The following EIF2D variants were observed in gnomAD, a reference collection of about 807,000 sequenced individuals.
EIF2D encodes the protein hepatocellular carcinoma-associated antigen 56.
Under a neutral mutation model 77.4 loss-of-function variants are expected in EIF2D, and 56 were observed. The observed-to-expected ratio is 0.72, with a 90% confidence interval of 0.58 to 0.90. The LOEUF (loss-of-function observed/expected upper bound fraction) is 0.90, where lower values mean the gene tolerates loss of function less well. EIF2D is among the 40% of genes least tolerant of loss of function. The pLI, the probability that EIF2D is intolerant of heterozygous loss-of-function variation, is 0.00. For missense variants in EIF2D, 574 were observed against 706.5 expected, an observed-to-expected ratio of 0.81 and a Z score of 2.13; for synonymous variants, 230 against 271.0, an observed-to-expected ratio of 0.85 and a Z score of 1.49.
chr1:206,578,794 G>A (rs17434501), intron 4 of EIF2D, among the ~76,000 whole-genome samples: 5,109 of 152,172 alleles, frequency 0.034, 112 homozygotes, highest in Admixed American at 0.05. Context: ...GAAGCCACGT[G>A]ACTCACTCAG....
rs781933639 is a variant in EIF2D, at chr1:206,602,349, T to C, written c.889A>G (p.Met297Val). 87 of 1,614,022 alleles carry C rather than the reference T, an allele frequency of 5.4e-5. No individual in the cohort carries two copies. Among genetic ancestry groups the C allele is most frequent in the Non-Finnish European group, 6.3e-5 (74 of 1,179,986 alleles). ...LLTSTFLGSH[M>V]FSCCPEGRQL... Reference sequence around the variant, plus strand: ...TGCTTTCCATACCAGCAGGAGAACATGTGGCTGCCAAGGAAAGTGCTGGTG... The same window carrying C: ...TGCTTTCCATACCAGCAGGAGAACACGTGGCTGCCAAGGAAAGTGCTGGTG... Residue 297 changes from methionine (M) to valine (V), a missense_variant, in exon 7 of 15, where the codon ATG (methionine) becomes GTG (valine). Met to Val is a conservative substitution (Grantham distance 21). Coordinates refer to ENST00000271764, the MANE Select transcript of EIF2D (RefSeq NM_006893.3).
intron 2 of EIF2D, among the ~76,000 whole-genome samples, chr1:206,581,502 G>A (rs1668873107): frequency 6.6e-6 from 1 of 152,146 alleles, no homozygotes; most frequent in Admixed American, 6.5e-5. Flanking sequence ...GGGAGGCTGA[G>A]GCAGGAGAAT....
chr1:206,593,508 AGTGT>A (rs782562616), intron 14 of EIF2D, 107 bp downstream of exon 14: 1,805 of 398,448 alleles, frequency 4.5e-3, no homozygotes, highest in Non-Finnish European at 5.3e-3. Context: ...AGAGAGAGAG[AGTGT>A]GTGTGTGTGT....
intron 7 of EIF2D, chr1:206,601,874 G>T: frequency 6.2e-6 from 1 of 162,102 alleles, no homozygotes; most frequent in Non-Finnish European, 1.4e-5. Flanking sequence ...GGTGGGCCGG[G>T]ACGGGGGGTG....
In EIF2D at chr1:206,584,918, C is replaced by T. The variant is rs1002844529; in HGVS notation, c.139-3756G>A. The T allele has an allele frequency of 5.4e-5, 33 of 610,094 alleles. No individual in the cohort carries two copies. Among genetic ancestry groups the T allele is most frequent in the Middle Eastern group, 4.4e-4 (1 of 2,288 alleles). The allele number at this position is 610,094 out of a possible 1,614,324, so 37.8% of individuals were successfully genotyped here. ...ACACCCTAGGCTCCCATTTCCTGATCTGTGCAATGGGAGGAATCTGCCCCA... is the reference window on the plus strand; with the variant it reads ...ACACCCTAGGCTCCCATTTCCTGATTTGTGCAATGGGAGGAATCTGCCCCA... On this transcript the variant is annotated intron_variant and NMD_transcript_variant, in intron 2 of 5. Transcript: ENST00000472709. The surrounding 1 kb of genome is among the most constrained non-coding windows in gnomAD (Gnocchi z 4.9).
rs1553409478 is a variant in EIF2D at position 206,593,684 on chromosome 1, G to GC, written c.1618dup (p.Ala540GlyfsTer23). 6.2e-7 allele frequency: 1 copy of GC among 1,613,966 alleles called. No homozygotes were observed. The highest frequency in any genetic ancestry group is 8.5e-7 in the Non-Finnish European group (1 of 1,179,944). On this transcript the variant is annotated frameshift_variant, in exon 14 of 15. Coordinates refer to ENST00000271764, the MANE Select transcript of EIF2D (RefSeq NM_006893.3). LOFTEE classifies it high-confidence loss of function. ...GATCTGCACCTGAAGGCTGTCCTTG[G>GC]CCCCAGGGGCAGGATTGACGGTGGT...
At chr1:206,610,327 C>G (rs1167532290) in intron 2 of EIF2D, among the ~76,000 whole-genome samples, 1 of 152,072 alleles carries the variant, frequency 6.6e-6, no homozygotes, top group South Asian at 2.1e-4. Flanking sequence ...AAGACCAGCC[C>G]GAGCAACATA....
chr1:206,584,777 G>A lies in EIF2D; in HGVS notation c.139-3615C>T. ...CTCCTGCCGGCCTTGGGTGGGAGCT[G>A]TGGGCTTCTCCTGAGCACCAGGGGT... On this transcript the variant is annotated intron_variant and NMD_transcript_variant, in intron 2 of 5. Coordinates refer to the EIF2D transcript ENST00000472709. The surrounding 1 kb of genome is among the most constrained non-coding windows in gnomAD (Gnocchi z 4.9). 1.4e-6 allele frequency: 2 copies of A among 1,383,926 alleles called. No individual in the cohort carries two copies. The highest frequency in any genetic ancestry group is 2.0e-6 in the Non-Finnish European group (2 of 1,000,232). The allele number at this position is 1,383,926 out of a possible 1,614,324, so 85.7% of individuals were successfully genotyped here.
At position 206,579,148 on chromosome 1, in the gene EIF2D, A is replaced by AACCTGTTTTTCACCAGTG. The variant is rs1668771263; in HGVS notation, c.*254+1526_*254+1543dup. ...CCACCGCATAGGACATGTGAGCACA[A>AACCTGTTTTTCACCAGTG]ACCTGTTTTTCACCAGTGCCCTGGA... On this transcript the variant is annotated intron_variant and NMD_transcript_variant, in intron 4 of 5. Transcript: ENST00000472709. This position sits in a 1 kb window ranked among gnomAD's most constrained non-coding sequence, Gnocchi z 4.2. 8.5e-5 allele frequency among the ~76,000 whole-genome samples: 13 copies of AACCTGTTTTTCACCAGTG among 152,258 alleles called. 1 individual carries two copies. In the South Asian group the frequency reaches 2.7e-3, roughly 32 times the overall value.
intron 4 of EIF2D, among the ~76,000 whole-genome samples, chr1:206,574,774 T>A (rs1012074172): frequency 1.3e-5 from 2 of 151,366 alleles, no homozygotes; most frequent in Admixed American, 6.6e-5. Flanking sequence ...TTCGAAGACC[T>A]GGGAGGGGGC....
chr1:206,577,220 T>C (rs1668689120), intron 4 of EIF2D, among the ~76,000 whole-genome samples: 1 of 152,100 alleles, frequency 6.6e-6, no homozygotes, highest in Admixed American at 6.6e-5. Flanking sequence ...AAACCTAACA[T>C]TTACTGTCTG....
At chr1:206,578,202 G>C (rs73080965) in intron 4 of EIF2D, among the ~76,000 whole-genome samples, 3,520 of 146,144 alleles carry the variant, frequency 0.024, 119 homozygotes, top group African/African-American at 0.08. Flanking sequence ...CTCTCGACTG[G>C]GTGACAGAGG....
rs897077400 is a variant in EIF2D, at chr1:206,600,194, A to G, written c.948+69T>C. On this transcript the variant is annotated intron_variant, in intron 8 of 14. Coordinates refer to ENST00000271764, the MANE Select transcript of EIF2D (RefSeq NM_006893.3). ...GGTAGACAAGGCTTCCCCAGCATCCATCTGGCTTATGTCATATGTGCCCCT... is the reference window on the plus strand; with the variant it reads ...GGTAGACAAGGCTTCCCCAGCATCCGTCTGGCTTATGTCATATGTGCCCCT... 4 of 1,480,378 alleles carry G rather than the reference A, an allele frequency of 2.7e-6. No homozygotes were observed. The Admixed American group carries it at 5.4e-5, about 20-fold the overall frequency. The allele number at this position is 1,480,378 out of a possible 1,614,324, so 91.7% of individuals were successfully genotyped here.
intron 5 of EIF2D, among the ~76,000 whole-genome samples, chr1:206,571,750 G>A (rs972424799): frequency 1.3e-4 from 20 of 152,194 alleles, no homozygotes; most frequent in African/African-American, 4.6e-4. Flanking sequence ...CAGGCAGAAT[G>A]GTCAGATGAA....
Position 206,598,999 on chromosome 1 carries a change from T to C in EIF2D, c.1292+4A>G. ...GACAGATCTGGTGCTTCTCATGCAC[T>C]CACTTTTTGTTGTCTGCATCAACCA... On this transcript the variant is annotated splice_donor_region_variant and intron_variant, in intron 11 of 14. Transcript: ENST00000271764. 6.2e-7 allele frequency: 1 copy of C among 1,614,036 alleles called. No homozygotes were observed. The highest frequency in any genetic ancestry group is 8.5e-7 in the Non-Finnish European group (1 of 1,179,896).
At chr1:206,572,862 T>G (rs1668497109) in intron 4 of EIF2D, among the ~76,000 whole-genome samples, 1 of 152,196 alleles carries the variant, frequency 6.6e-6, no homozygotes, top group Non-Finnish European at 1.5e-5. Flanking sequence ...ACAAAAGTTC[T>G]TAGGACCCAT....
intron 4 of EIF2D, among the ~76,000 whole-genome samples, chr1:206,573,903 G>A (rs1454818829): frequency 6.6e-6 from 1 of 152,256 alleles, no homozygotes; most frequent in Non-Finnish European, 1.5e-5. Flanking sequence ...GTTCACAGAA[G>A]ACCAAGGGCA....
chr1:206,595,469 CTT>C, intron 13 of EIF2D: 1 of 309,972 alleles, frequency 3.2e-6, no homozygotes, highest in Non-Finnish European at 5.9e-6. Context: ...AAAATACAAT[CTT>C]GTTTACTTTT....
At chr1:206,583,419 C>A in intron 2 of EIF2D, 1 of 1,406,828 alleles carries the variant, frequency 7.1e-7, no homozygotes. Context: ...CCTGCTCCAC[C>A]ACCCGCTTCG....
Sources: gnomAD v4.1 joint callset for allele counts (sites outside exome capture counted in the v4.1 genomes callset) on GRCh38, gnomAD v4.1.1 for gene constraint, Gnocchi (gnomAD v3.1) non-coding constraint, MANE v1.5 for transcripts, NCBI Gene and HGNC (gene_info 2026-07-23, HGNC 2026-07-21) for gene names.